GFRA2: variants seen among roughly 807,000 people sequenced by gnomAD.
The protein encoded by GFRA2 is GDNF family receptor alpha 2.
A neutral mutation model predicts 48.3 loss-of-function variants in GFRA2; 17 were observed. The ratio of observed to expected loss-of-function variants is 0.35; its 90% confidence interval spans 0.24 to 0.53. The LOEUF (loss-of-function observed/expected upper bound fraction) is 0.53. Among genes scored for constraint, GFRA2 ranks in the 20% least tolerant of loss-of-function variants. The pLI is 0.93. For missense variants in GFRA2, 660 were observed against 637.3 expected (o/e 1.04, Z -0.38); for synonymous variants, 305 against 257.2 (o/e 1.19, Z -1.78).
intron 3 of GFRA2, among the ~76,000 whole-genome samples, chr8:21,756,044 C>T (rs139757157): frequency 6.6e-6 from 1 of 152,158 alleles, no homozygotes; most frequent in African/African-American, 2.4e-5. Flanking sequence ...CGGCCGGGGG[C>T]CAAGGTGAGG....
At position 21,692,139 on chromosome 8, in the gene GFRA2, T is replaced by C. The variant is rs1801905374; in HGVS notation, c.*1139A>G. 2 of 152,566 alleles carry C rather than the reference T, an allele frequency of 1.3e-5. No homozygotes were observed. Among genetic ancestry groups the C allele is most frequent in the South Asian group, 4.1e-4 (2 of 4,822 alleles). The allele number at this position is 152,566 out of a possible 1,614,324, so 9.5% of individuals were successfully genotyped here. A position where few individuals can be genotyped will look rare whatever the true frequency, so the allele number is the denominator to read the frequency against. On this transcript the variant is annotated 3_prime_UTR_variant, in exon 9 of 9. Transcript: ENST00000524240. ...GCGGGGCCAATGTCCTTTTTCCCCA[T>C]TATAGACAACAGTATTAAAAAAAAT...
In GFRA2 at chr8:21,693,186, GGT is replaced by G. The variant is rs141587546; in HGVS notation, c.*90_*91del. On this transcript the variant is annotated 3_prime_UTR_variant, in exon 9 of 9. Transcript: ENST00000524240. ...GGGAAAAACAATTTTTTTTTTGCAA[GGT>G]GTGTGTGTGTCTGTGTGTGTTTCCA... 281 of 1,200,072 alleles carry G rather than the reference GGT, an allele frequency of 2.3e-4. No homozygotes were observed. The highest frequency in any genetic ancestry group is 3.8e-4 in the South Asian group (17 of 44,552). The allele number at this position is 1,200,072 out of a possible 1,614,324, so 74.3% of individuals were successfully genotyped here. A position where few individuals can be genotyped will look rare whatever the true frequency, so the allele number is the denominator to read the frequency against.
chr8:21,788,031 T>TCCCCCCCCCCCCCCCCCA, intron 1 of GFRA2, 89 bp downstream of exon 1: 1 of 432,238 alleles, frequency 2.3e-6, no homozygotes, highest in Non-Finnish European at 3.8e-6. Context: ...CCCGCCGACC[T>TCCCCCCCCCCCCCCCCCA]CCCGCCAGCC....
chr8:21,769,300 G>A (rs62494079), intron 3 of GFRA2: 39,869 of 223,404 alleles, frequency 0.18, 3,895 homozygotes, highest in African/African-American at 0.28. Context: ...TGCACACCAC[G>A]GCCAGGATCC....
chr8:21,783,006 C>T (rs1304374787), intron 1 of GFRA2, 107 bp from the exon 2 acceptor site: 4 of 1,071,626 alleles, frequency 3.7e-6, no homozygotes, highest in South Asian at 1.3e-5. Flanking sequence ...ACACCCATTT[C>T]GCCAAAGCAC....
chr8:21,749,346 G>A (rs960236289), intron 4 of GFRA2, among the ~76,000 whole-genome samples: 9 of 151,646 alleles, frequency 5.9e-5, no homozygotes, highest in African/African-American at 2.2e-4. Flanking sequence ...GTCATCTAAC[G>A]TTCACAATAA....
chr8:21,783,795 T>C (rs1484956163), intron 1 of GFRA2, among the ~76,000 whole-genome samples: 1 of 151,674 alleles, frequency 6.6e-6, no homozygotes, highest in Non-Finnish European at 1.5e-5. Flanking sequence ...TCCTCCCCAC[T>C]CTAGCTCTGC....
chr8:21,705,196 C>T (rs1369139685), intron 5 of GFRA2, 71 bp from the exon 6 acceptor site: 10 of 1,502,356 alleles, frequency 6.7e-6, no homozygotes, highest in African/African-American at 1.4e-5. Context: ...CACAGACCAA[C>T]CCCAGGCACA....
At chr8:21,718,533 A>G (rs917860002) in intron 4 of GFRA2, among the ~76,000 whole-genome samples, 1 of 152,142 alleles carries the variant, frequency 6.6e-6, no homozygotes, top group African/African-American at 2.4e-5. Context: ...CACTCCCTCA[A>G]TGCTCACTGA....
chr8:21,704,920 G>A, intron 6 of GFRA2, 65 bp downstream of exon 6: 1 of 1,242,966 alleles, frequency 8.0e-7, no homozygotes, highest in Non-Finnish European at 1.2e-6. Context: ...GATGGGAATG[G>A]CTAGGACAGA....
At chr8:21,742,824 C>T (rs1409295206) in intron 4 of GFRA2, among the ~76,000 whole-genome samples, 1 of 152,178 alleles carries the variant, frequency 6.6e-6, no homozygotes, top group Non-Finnish European at 1.5e-5. Flanking sequence ...AAGTGGGAGC[C>T]TTAGCCAAAC....
intron 7 of GFRA2, among the ~76,000 whole-genome samples, chr8:21,697,345 G>A (rs1371553536): frequency 1.3e-5 from 2 of 151,856 alleles, no homozygotes; most frequent in Non-Finnish European, 2.9e-5. Context: ...AAAGGGGGAG[G>A]CAAGAGGGCT....
rs75953947 is a variant in GFRA2, at chr8:21,786,139, T to C, written c.40+1981A>G. On this transcript the variant is annotated intron_variant, in intron 1 of 8. Coordinates refer to ENST00000524240, the MANE Select transcript of GFRA2 (RefSeq NM_001495.5). ...GCTCTTCTGCTCTCACCCCCGCCTCTCAACACTCAGCCTCCAGGGTTGCAG... is the reference window on the plus strand; with the variant it reads ...GCTCTTCTGCTCTCACCCCCGCCTCCCAACACTCAGCCTCCAGGGTTGCAG... 3.5e-3 allele frequency among the ~76,000 whole-genome samples: 527 copies of C among 152,284 alleles called. 25 individuals carry two copies. In the East Asian group the frequency reaches 0.091, roughly 26 times the overall value.
upstream of GFRA2, among the ~76,000 whole-genome samples, chr8:21,790,327 C>T (rs1807534953): frequency 1.3e-5 from 2 of 152,224 alleles, no homozygotes; most frequent in African/African-American, 4.8e-5. Flanking sequence ...GCCTCAGAAA[C>T]TTTTCGTGCT....
chr8:21,758,883 G>A (rs141524308), intron 3 of GFRA2, among the ~76,000 whole-genome samples: 15 of 151,466 alleles, frequency 9.9e-5, no homozygotes, highest in Admixed American at 2.6e-4. Flanking sequence ...TGTGCACACC[G>A]AGGTGCACAC....
chr8:21,730,345 G>T (rs576065992), intron 4 of GFRA2, among the ~76,000 whole-genome samples: 89 of 152,206 alleles, frequency 5.8e-4, no homozygotes, highest in Non-Finnish European at 1.3e-4. Context: ...GGAGGATGCA[G>T]CGAGCCGAGA....
Position 21,788,296 on chromosome 8 carries a change from G to GA in GFRA2, c.-138dup, listed in dbSNP as rs1482002600. The GA allele has an allele frequency of 2.9e-6, 4 of 1,383,224 alleles. No homozygotes were observed. The East Asian group carries it at 1.2e-4, about 42-fold the overall frequency. The allele number at this position is 1,383,224 out of a possible 1,614,324, so 85.7% of individuals were successfully genotyped here. A position where few individuals can be genotyped will look rare whatever the true frequency, so the allele number is the denominator to read the frequency against. The stretch of plus-strand genomic sequence containing the variant: ...TGCGGAGATCCCAGCTAGTCCACCC[G>GA]ATGAAGATCCCGAGTCCTGCGATTC... On this transcript the variant is annotated 5_prime_UTR_variant, in exon 1 of 9. Coordinates refer to ENST00000524240, the MANE Select transcript of GFRA2 (RefSeq NM_001495.5).
At chr8:21,720,265 C>T (rs1388860865) in intron 4 of GFRA2, among the ~76,000 whole-genome samples, 1 of 152,196 alleles carries the variant, frequency 6.6e-6, no homozygotes, top group Non-Finnish European at 1.5e-5. Flanking sequence ...AGCACGGTGG[C>T]TGAGAGCAAG....
intron 4 of GFRA2, among the ~76,000 whole-genome samples, chr8:21,748,132 C>T (rs1288385611): frequency 1.3e-5 from 2 of 152,148 alleles, no homozygotes; most frequent in Non-Finnish European, 2.9e-5. Flanking sequence ...GCTTTAATCA[C>T]CAGCAAAGTA....
Sources: gnomAD v4.1 joint callset for allele counts (sites outside exome capture counted in the v4.1 genomes callset) on GRCh38, gnomAD v4.1.1 for gene constraint, MANE v1.5 for transcripts, NCBI Gene and HGNC (gene_info 2026-07-23, HGNC 2026-07-21) for gene names.